TEAD1: variants seen among roughly 807,000 people sequenced by gnomAD.
The protein encoded by TEAD1 is TEA domain transcription factor 1, also known as transcriptional enhancer factor TEF-1.
In TEAD1, 9 loss-of-function variants were observed where a neutral mutation model predicts 54.9. The ratio of observed to expected loss-of-function variants is 0.16; its 90% CI spans 0.10 to 0.29. The LOEUF is 0.29. Among genes scored for constraint, TEAD1 ranks in the 10% least tolerant of loss-of-function variants. TEAD1 has a pLI of 1.00. For synonymous variants in TEAD1, 200 were observed against 187.8 expected, an observed-to-expected ratio of 1.07 and a Z score of -0.53; for missense variants, 387 against 535.9, an observed-to-expected ratio of 0.72 and a Z score of 2.74.
intron 12 of TEAD1, among the ~76,000 whole-genome samples, chr11:12,931,360 T>C (rs148629347): frequency 9.1e-4 from 138 of 152,302 alleles, no homozygotes; most frequent in South Asian, 2.5e-3. Flanking sequence ...ATTACTTGAT[T>C]AAAGGGAAAA....
intron 2 of TEAD1, among the ~76,000 whole-genome samples, chr11:12,685,108 A>G (rs1326882850): frequency 6.6e-6 from 1 of 152,224 alleles, no homozygotes; most frequent in Non-Finnish European, 1.5e-5. Flanking sequence ...TGGTCTGAGC[A>G]GTTAAGATTG....
chr11:12,698,072 C>A (rs929153545), intron 2 of TEAD1, among the ~76,000 whole-genome samples: 1 of 150,720 alleles, frequency 6.6e-6, no homozygotes, highest in Non-Finnish European at 1.5e-5. Context: ...GGGGTTTAGA[C>A]TTTTATAAGT....
chr11:12,815,796 A>G (rs1317346524), intron 3 of TEAD1, among the ~76,000 whole-genome samples: 3 of 152,220 alleles, frequency 2.0e-5, no homozygotes, highest in Non-Finnish European at 4.4e-5. Context: ...ACTGGGGTGC[A>G]TGAGGGAGCA....
At chr11:12,887,471 A>G (rs1216884001) in intron 9 of TEAD1, among the ~76,000 whole-genome samples, 3 of 152,170 alleles carry the variant, frequency 2.0e-5, no homozygotes, top group Admixed American at 1.3e-4. Flanking sequence ...TGCTAGAGGG[A>G]AAAAGTGGTG....
intron 3 of TEAD1, among the ~76,000 whole-genome samples, chr11:12,787,946 CTG>C (rs1330194969): frequency 1.3e-5 from 2 of 149,646 alleles, no homozygotes; most frequent in African/African-American, 4.9e-5. Context: ...TCTCTTCAGA[CTG>C]TATAAATCTT....
At chr11:12,901,559 CT>C (rs1290395810) in intron 9 of TEAD1, among the ~76,000 whole-genome samples, 4 of 152,158 alleles carry the variant, frequency 2.6e-5, no homozygotes, top group Admixed American at 6.5e-5. Context: ...ATGACATGAG[CT>C]AACTGCACAC....
intron 2 of TEAD1, among the ~76,000 whole-genome samples, chr11:12,683,781 C>T (rs559844078): frequency 6.6e-6 from 1 of 152,214 alleles, no homozygotes; most frequent in South Asian, 2.1e-4. Context: ...GAGGGGGGAA[C>T]TGATTGACAT....
At chr11:12,757,764 ATTCT>A (rs1461266649) in intron 2 of TEAD1, among the ~76,000 whole-genome samples, 1 of 152,092 alleles carries the variant, frequency 6.6e-6, no homozygotes, top group African/African-American at 2.4e-5. Context: ...TTGTTGGTTC[ATTCT>A]TTTTTTATTT....
At chr11:12,772,544 C>A (rs1945333165) in intron 3 of TEAD1, among the ~76,000 whole-genome samples, 2 of 152,138 alleles carry the variant, frequency 1.3e-5, no homozygotes, top group South Asian at 2.1e-4. Flanking sequence ...TAGATGTTAT[C>A]ATTGACAGAC....
intron 3 of TEAD1, among the ~76,000 whole-genome samples, chr11:12,837,408 T>C (rs149829519): frequency 6.6e-6 from 1 of 152,336 alleles, no homozygotes; most frequent in East Asian, 1.9e-4. Context: ...TCAATGAGAT[T>C]AGAGTCTCTT....
intron 3 of TEAD1, among the ~76,000 whole-genome samples, chr11:12,851,797 A>G (rs1947279425): frequency 6.7e-6 from 1 of 148,522 alleles, no homozygotes; most frequent in African/African-American, 2.6e-5. Context: ...CCATCTCCAA[A>G]AAAAGGAAAA....
At chr11:12,877,804 T>C (rs1232285283) in intron 5 of TEAD1, among the ~76,000 whole-genome samples, 1 of 139,218 alleles carries the variant, frequency 7.2e-6, no homozygotes, top group African/African-American at 2.6e-5. Flanking sequence ...TCCTTCATTC[T>C]TTTTTTTTCT....
intron 10 of TEAD1, among the ~76,000 whole-genome samples, chr11:12,923,605 G>A (rs888778918): frequency 2.6e-5 from 4 of 152,162 alleles, no homozygotes; most frequent in Non-Finnish European, 5.9e-5. Context: ...GCTGTCTTTG[G>A]TCTGTTTTGT....
At chr11:12,686,896 G>A (rs1223796100) in intron 2 of TEAD1, among the ~76,000 whole-genome samples, 1 of 152,238 alleles carries the variant, frequency 6.6e-6, no homozygotes, top group East Asian at 1.9e-4. Flanking sequence ...TCGGGCAGGA[G>A]TGGAGGTGTT....
intron 2 of TEAD1, among the ~76,000 whole-genome samples, chr11:12,676,412 C>A (rs1943090654): frequency 6.6e-6 from 1 of 152,188 alleles, no homozygotes; most frequent in African/African-American, 2.4e-5. Context: ...GTGAATCTTG[C>A]TGGTCTTCTA....
intron 3 of TEAD1, 70 bp downstream of exon 3, chr11:12,764,504 G>A: frequency 6.4e-7 from 1 of 1,563,388 alleles, no homozygotes; most frequent in East Asian, 2.2e-5. Flanking sequence ...ATTGTAGCTG[G>A]TCTTCCAGCA....
chr11:12,804,352 C>T (rs1262825027), intron 3 of TEAD1, among the ~76,000 whole-genome samples: 5 of 152,198 alleles, frequency 3.3e-5, no homozygotes, highest in South Asian at 2.1e-4. Context: ...TCACCAAGAA[C>T]GAGCCACCCC....
chr11:12,863,510 AT>A (rs1281034601), intron 4 of TEAD1, among the ~76,000 whole-genome samples: 9 of 152,194 alleles, frequency 5.9e-5, no homozygotes, highest in Non-Finnish European at 1.0e-4. Flanking sequence ...GGAAAAAAAA[AT>A]AATTGAATAA....
intron 3 of TEAD1, among the ~76,000 whole-genome samples, chr11:12,830,629 G>A (rs924049614): frequency 6.6e-6 from 1 of 152,014 alleles, no homozygotes; most frequent in African/African-American, 2.4e-5. Context: ...TCTAGAACGT[G>A]CTCATCCTTT....
Sources: allele counts gnomAD v4.1 joint callset (sites outside exome capture counted in the v4.1 genomes callset), GRCh38; gene constraint gnomAD v4.1.1; transcripts MANE v1.5; gene names NCBI Gene and HGNC (gene_info 2026-07-23, HGNC 2026-07-21).